The following GPC6 variants were observed in gnomAD, a reference collection of about 807,000 sequenced individuals.
GPC6 encodes the protein glypican 6.
GPC6 carries 14 observed loss-of-function variants against 55.2 expected under a neutral mutation model. The ratio of observed to expected loss-of-function variants is 0.25; its 90% CI spans 0.17 to 0.40. The LOEUF (loss-of-function observed/expected upper bound fraction) is 0.40. Among genes scored for constraint, GPC6 ranks in the 10% least tolerant of loss-of-function variants. The pLI, the probability that GPC6 is intolerant of heterozygous loss-of-function variation, is 1.00. For missense variants in GPC6, 641 were observed against 708.5 expected, an observed-to-expected ratio of 0.90 and a Z score of 1.08; for synonymous variants, 278 against 259.6, an observed-to-expected ratio of 1.07 and a Z score of -0.68.
At chr13:93,345,579 A>C (rs867685043) in intron 1 of GPC6, among the ~76,000 whole-genome samples, 4 of 152,140 alleles carry the variant, frequency 2.6e-5, no homozygotes, top group Non-Finnish European at 5.9e-5. Context: ...TATATTTTGT[A>C]ATGTATTTGC....
At chr13:93,812,146 G>A (rs1351755330) in intron 2 of GPC6, among the ~76,000 whole-genome samples, 1 of 141,756 alleles carries the variant, frequency 7.1e-6, no homozygotes, top group African/African-American at 2.5e-5. Context: ...AGGCGGTGGG[G>A]GGGGGGGCGG....
chr13:93,579,396 T>C (rs930359464), intron 2 of GPC6, among the ~76,000 whole-genome samples: 1 of 151,200 alleles, frequency 6.6e-6, no homozygotes, highest in African/African-American at 2.4e-5. Context: ...ATAAAATAAA[T>C]TTTAAAAATA....
chr13:93,778,493 T>G (rs551036795), intron 2 of GPC6, among the ~76,000 whole-genome samples: 5 of 152,134 alleles, frequency 3.3e-5, no homozygotes, highest in African/African-American at 1.2e-4. Flanking sequence ...TGGGGAGAGG[T>G]GAGAAAGGAG....
chr13:93,344,210 G>A (rs1880357009), intron 1 of GPC6, among the ~76,000 whole-genome samples: 1 of 152,120 alleles, frequency 6.6e-6, no homozygotes, highest in Non-Finnish European at 1.5e-5. Flanking sequence ...CTGTTCTTCT[G>A]TGGTCAAACT....
chr13:93,407,050 G>A (rs2139239789), intron 1 of GPC6, among the ~76,000 whole-genome samples: 1 of 152,220 alleles, frequency 6.6e-6, no homozygotes, highest in South Asian at 2.1e-4. Flanking sequence ...TTGCATCAAT[G>A]TTAAGTTGTA....
intron 1 of GPC6, among the ~76,000 whole-genome samples, chr13:93,380,627 T>G (rs747014728): frequency 2.0e-5 from 3 of 152,132 alleles, no homozygotes; most frequent in Non-Finnish European, 2.9e-5. Context: ...TAGAGATGAT[T>G]GTATAGAAAA....
intron 6 of GPC6, among the ~76,000 whole-genome samples, chr13:94,347,137 G>A (rs1878331434): frequency 6.6e-6 from 1 of 152,198 alleles, no homozygotes; most frequent in Non-Finnish European, 1.5e-5. Flanking sequence ...GAGCATTTCA[G>A]ATGCACGATT....
intron 3 of GPC6, among the ~76,000 whole-genome samples, chr13:93,961,015 C>T (rs1316844175): frequency 1.3e-5 from 2 of 151,886 alleles, no homozygotes; most frequent in African/African-American, 2.4e-5. Context: ...GGGGTTTCAC[C>T]GTGTTAGCCA....
At chr13:93,958,751 T>A (rs1879627228) in intron 3 of GPC6, among the ~76,000 whole-genome samples, 2 of 152,170 alleles carry the variant, frequency 1.3e-5, no homozygotes, top group Admixed American at 6.6e-5. Flanking sequence ...TAATTTTATA[T>A]TTAATCTGTA....
intron 3 of GPC6, among the ~76,000 whole-genome samples, chr13:94,003,407 A>T (rs1024862790): frequency 6.6e-6 from 1 of 152,252 alleles, no homozygotes; most frequent in African/African-American, 2.4e-5. Context: ...GAATAGAGGA[A>T]GAAGTGTCAA....
intron 1 of GPC6, among the ~76,000 whole-genome samples, chr13:93,424,019 T>A (rs557110056): frequency 2.8e-4 from 43 of 152,280 alleles, no homozygotes; most frequent in Non-Finnish European, 5.1e-4. Flanking sequence ...TGGCTTTTCT[T>A]TGGTTCATAG....
intron 3 of GPC6, among the ~76,000 whole-genome samples, chr13:93,918,771 T>C (rs758137898): frequency 1.1e-4 from 16 of 152,186 alleles, no homozygotes; most frequent in Non-Finnish European, 1.8e-4. Flanking sequence ...CAGCAGATGT[T>C]CCCACCACAC....
At chr13:93,362,217 A>T (rs370612278) in intron 1 of GPC6, among the ~76,000 whole-genome samples, 45 of 152,244 alleles carry the variant, frequency 3.0e-4, no homozygotes, top group Non-Finnish European at 5.7e-4. Context: ...CTCCTCAAAC[A>T]TCAGATTGTC....
chr13:93,234,552 G>A (rs925470512), intron 1 of GPC6, among the ~76,000 whole-genome samples: 1 of 152,188 alleles, frequency 6.6e-6, no homozygotes, highest in East Asian at 1.9e-4. Flanking sequence ...GCTAGGACTA[G>A]AGTGGTGACC....
chr13:93,666,918 C>CTTTTAATAAT (rs898710280), intron 2 of GPC6, among the ~76,000 whole-genome samples: 2 of 151,998 alleles, frequency 1.3e-5, no homozygotes, highest in Non-Finnish European at 2.9e-5. Context: ...ATACTTATTT[C>CTTTTAATAAT]TTTTAATAAT....
At chr13:93,345,500 T>C (rs1880395620) in intron 1 of GPC6, among the ~76,000 whole-genome samples, 1 of 151,826 alleles carries the variant, frequency 6.6e-6, no homozygotes, top group South Asian at 2.1e-4. Flanking sequence ...TCTAAATGAA[T>C]GAAAAAAAAT....
At chr13:94,217,941 C>T (rs1410966269) in intron 4 of GPC6, among the ~76,000 whole-genome samples, 1 of 152,148 alleles carries the variant, frequency 6.6e-6, no homozygotes, top group Non-Finnish European at 1.5e-5. Context: ...CACAATAGCA[C>T]TTCACCAATA....
chr13:93,600,745 T>C (rs1877974515), intron 2 of GPC6, among the ~76,000 whole-genome samples: 1 of 149,754 alleles, frequency 6.7e-6, no homozygotes, highest in Non-Finnish European at 1.5e-5. Context: ...AGGTCAGGAG[T>C]TCGAGCACAG....
chr13:93,911,511 T>C (rs1012754898), intron 3 of GPC6, among the ~76,000 whole-genome samples: 7 of 152,032 alleles, frequency 4.6e-5, no homozygotes, highest in African/African-American at 1.2e-4. Flanking sequence ...AGGCATGATA[T>C]TGAGATATAA....
Sources: gnomAD v4.1 joint callset for allele counts (sites outside exome capture counted in the v4.1 genomes callset) on GRCh38, gnomAD v4.1.1 for gene constraint, MANE v1.5 for transcripts, NCBI Gene and HGNC (gene_info 2026-07-23, HGNC 2026-07-21) for gene names.